The following S100A10 variants were observed in gnomAD, a reference collection of about 807,000 sequenced individuals.
S100A10 encodes the protein protein S100-A10.
In S100A10, 3 loss-of-function variants were observed where a neutral mutation model predicts 7.1. That is an observed-to-expected ratio of 0.42 (90% confidence interval 0.19 to 1.10). The LOEUF (loss-of-function observed/expected upper bound fraction) is 1.10. Ranked by LOEUF, S100A10 falls within the 50% of genes least tolerant of loss-of-function variation. The probability of loss-of-function intolerance (pLI) is 0.29; values close to 1 mark genes in which losing one functional copy is unlikely to be tolerated. For missense variants in S100A10, 101 were observed against 118.1 expected (o/e 0.86, Z 0.67); for synonymous variants, 41 against 39.3 (o/e 1.04, Z -0.16).
In S100A10 at chr1:151,991,891, G is replaced by A. The variant is rs111530114; in HGVS notation, c.-22+1861C>T. 7.2e-3 allele frequency among the ~76,000 whole-genome samples: 1,102 copies of A among 152,272 alleles called. 19 individuals are homozygous for A. The highest frequency in any genetic ancestry group is 0.026 in the African/African-American group (1,063 of 41,522). The stretch of plus-strand genomic sequence containing the variant: ...TTAGGAGGCTGGCCAGCACACGGGA[G>A]GAAAGGGGCCTATATGATGTGTCGG... On this transcript the variant is annotated intron_variant, in intron 1 of 2. Transcript: ENST00000368811.
chr1:151,984,531 C>T (rs1335316856), intron 2 of S100A10, among the ~76,000 whole-genome samples: 1 of 152,138 alleles, frequency 6.6e-6, no homozygotes, highest in East Asian at 1.9e-4. Flanking sequence ...AGAATTATGA[C>T]TCTGTGCCTG....
At chr1:151,992,069 G>A (rs1655916647) in intron 1 of S100A10, among the ~76,000 whole-genome samples, 5 of 152,178 alleles carry the variant, frequency 3.3e-5, no homozygotes, top group African/African-American at 9.7e-5. Context: ...TGGCTGTGAA[G>A]GAACAAATAC....
intron 1 of S100A10, among the ~76,000 whole-genome samples, chr1:151,990,125 T>C (rs1655874891): frequency 6.6e-6 from 1 of 152,196 alleles, no homozygotes; most frequent in Non-Finnish European, 1.5e-5. Flanking sequence ...AGGACTAGGC[T>C]GAAAGCCTTG....
chr1:151,985,717 GAA>G (rs1456046069), intron 2 of S100A10, among the ~76,000 whole-genome samples: 1 of 152,166 alleles, frequency 6.6e-6, no homozygotes, highest in African/African-American at 2.4e-5. Context: ...ACTCTTTTGT[GAA>G]AAGCTTTCTT....
intron 2 of S100A10, among the ~76,000 whole-genome samples, chr1:151,984,845 G>A (rs1276108615): frequency 6.6e-6 from 1 of 152,170 alleles, no homozygotes; most frequent in Non-Finnish European, 1.5e-5. Context: ...GGAAACTGAA[G>A]ACTAGAGAGC....
At position 151,986,219 on chromosome 1, in the gene S100A10, T is replaced by G. The variant is rs1450641538; in HGVS notation, c.12A>C (p.Gln4His). The change falls in exon 2 of 3, where the codon CAA becomes CAC. Residue 4 changes from glutamine (Q) to histidine (H), a missense_variant. Gln to His is a conservative substitution (Grantham distance 24, BLOSUM62 0). Transcript: ENST00000368811. MPS[Q>H]MEHAMETMMF... ...TCATGGTTTCCATGGCGTGTTCCATTTGAGATGGCATTTTGGTGTGGTCCG... is the reference window on the plus strand; with the variant it reads ...TCATGGTTTCCATGGCGTGTTCCATGTGAGATGGCATTTTGGTGTGGTCCG... 6.2e-7 allele frequency: 1 copy of G among 1,604,318 alleles called. No homozygotes were observed.
At chr1:151,984,048 A>C (rs1655746423) in intron 2 of S100A10, 1 of 152,214 alleles carries the variant, frequency 6.6e-6, no homozygotes, top group Non-Finnish European at 1.5e-5. Flanking sequence ...ATGGGCAGGC[A>C]AGACCCCCTT....
chr1:151,986,714 T>C (rs1655798032), intron 1 of S100A10, among the ~76,000 whole-genome samples: 1 of 152,228 alleles, frequency 6.6e-6, no homozygotes, highest in Admixed American at 6.5e-5. Context: ...TTGGCTTATT[T>C]CACTAAGCGT....
rs1348586337 is a variant in S100A10, at chr1:151,993,779, C to CGAGCTGGG, written c.-57_-50dup. On this transcript the variant is annotated 5_prime_UTR_variant, in exon 1 of 3. Transcript: ENST00000368811. The surrounding 1 kb of genome is among the most constrained non-coding windows in gnomAD (Gnocchi z 5.1). ...TGGCCGAGGCGCGGCGGACGCTGGG[C>CGAGCTGGG]GAGCTGGGCGAGCTGGACGCGGGGC... 6.4e-6 allele frequency: 1 copy of CGAGCTGGG among 156,402 alleles called. No homozygotes were observed. The highest frequency in any genetic ancestry group is 1.4e-5 in the Non-Finnish European group (1 of 71,166). The allele number at this position is 156,402 out of a possible 1,614,324, so 9.7% of individuals were successfully genotyped here. A position where few individuals can be genotyped will look rare whatever the true frequency, so the allele number is the denominator to read the frequency against.
At position 151,993,126 on chromosome 1, in the gene S100A10, A is replaced by C. The variant is rs1281352180; in HGVS notation, c.-22+626T>G. 6.6e-6 allele frequency among the ~76,000 whole-genome samples: 1 copy of C among 152,202 alleles called. No individual in the cohort carries two copies. Among genetic ancestry groups the C allele is most frequent in the Non-Finnish European group, 1.5e-5 (1 of 68,036 alleles). On this transcript the variant is annotated intron_variant, in intron 1 of 2. Coordinates refer to ENST00000368811, the MANE Select transcript of S100A10 (RefSeq NM_002966.3). This position sits in a 1 kb window ranked among gnomAD's most constrained non-coding sequence, Gnocchi z 5.1. ...GGCCCTCTCCCACAAACCCCAGCCA[A>C]ACTGCTGTAGAAAGAAAACAAGTGG...
rs1290439398 is a variant in S100A10, at chr1:151,993,693, G to C, written c.-22+59C>G. The C allele has an allele frequency of 6.6e-6, 1 of 152,420 alleles. No homozygotes were observed. The highest frequency in any genetic ancestry group is 1.5e-5 in the Non-Finnish European group (1 of 68,216). 9.4% of individuals were successfully genotyped at this position (152,420 alleles called of 1,614,324 possible). On this transcript the variant is annotated intron_variant, in intron 1 of 2. Transcript: ENST00000368811. The surrounding 1 kb of genome is among the most constrained non-coding windows in gnomAD (Gnocchi z 5.1). ...AAGCCGGGTGCAGGGTTTTCCCCGG[G>C]CAGCAGGTCCGGGCCTGGGGACTAC...
intron 2 of S100A10, chr1:151,985,090 A>G (rs1020271874): frequency 6.5e-6 from 1 of 152,918 alleles, no homozygotes; most frequent in African/African-American, 2.4e-5. Context: ...ATGTTTATTG[A>G]TTGCAGGAGT....
chr1:151,987,153 C>T (rs999171827), intron 1 of S100A10, among the ~76,000 whole-genome samples: 4 of 148,972 alleles, frequency 2.7e-5, no homozygotes, highest in African/African-American at 4.9e-5. Context: ...TACAGGCGTC[C>T]GCCACCATGT....
At chr1:151,983,689 A>G (rs769126566) in intron 2 of S100A10, among the ~76,000 whole-genome samples, 4 of 152,188 alleles carry the variant, frequency 2.6e-5, no homozygotes, top group Non-Finnish European at 4.4e-5. Context: ...TCACTGTCCT[A>G]TGGATTTTAA....
chr1:151,983,166 C>T lies in S100A10; in HGVS notation c.291G>A (p.Lys97=), dbSNP rs1655730553. The change falls in exon 3 of 3, where the codon AAG becomes AAA. Residue 97 remains lysine, a synonymous_variant. Coordinates refer to ENST00000368811, the MANE Select transcript of S100A10 (RefSeq NM_002966.3). ...FVVHMKQKGK[K] The stretch of plus-strand genomic sequence containing the variant: ...GGAGCGAACTGCTCATTTCTGCCTA[C>T]TTCTTTCCCTTCTGCTTCATGTGTA... 4 of 1,570,848 alleles carry T rather than the reference C, an allele frequency of 2.5e-6. No homozygotes were observed. The highest frequency in any genetic ancestry group is 2.4e-5 in the South Asian group (2 of 83,124).
chr1:151,989,448 T>C (rs1572109992), intron 1 of S100A10, among the ~76,000 whole-genome samples: 1 of 151,544 alleles, frequency 6.6e-6, no homozygotes, highest in East Asian at 1.9e-4. Flanking sequence ...AGCCAGGAGG[T>C]GAAAATAGCA....
chr1:151,989,375 G>A (rs1017204250), intron 1 of S100A10, among the ~76,000 whole-genome samples: 2 of 152,006 alleles, frequency 1.3e-5, no homozygotes, highest in Non-Finnish European at 2.9e-5. Context: ...TGTGAATATT[G>A]CAGCCAGCTG....
Position 151,986,102 on chromosome 1 carries a change from CA to C in S100A10, c.128del (p.Leu43TrpfsTer13). ...VLMEKEFPGF[L>X]ENQKDPLAVD... ...TTGTAAGCTTTTCAACACTTACTTC[CA>C]AAAATCCAGGGAACTCCTTTTCCAT... On this transcript the variant is annotated frameshift_variant, in exon 2 of 3. Transcript: ENST00000368811. LOFTEE classifies it high-confidence loss of function. 6.3e-7 allele frequency: 1 copy of C among 1,590,344 alleles called. No individual in the cohort carries two copies. Among genetic ancestry groups the C allele is most frequent in the Admixed American group, 1.9e-5 (1 of 53,946 alleles).
rs763786702 is a variant in S100A10, at chr1:151,986,257, A to G, written c.-21-6T>C. ...TTGGTGTGGTCCGTTGAAGCCTATT[A>G]AAGGATGTAAAGTAACAGGGTCTAC... On this transcript the variant is annotated splice_polypyrimidine_tract_variant and splice_region_variant and intron_variant, in intron 1 of 2. Coordinates refer to ENST00000368811, the MANE Select transcript of S100A10 (RefSeq NM_002966.3). 1.3e-5 allele frequency: 21 copies of G among 1,567,624 alleles called. No individual in the cohort carries two copies. The highest frequency in any genetic ancestry group is 1.3e-5 in the Non-Finnish European group (15 of 1,160,786).
Sources: gnomAD v4.1 joint callset for allele counts (sites outside exome capture counted in the v4.1 genomes callset) on GRCh38, gnomAD v4.1.1 for gene constraint, Gnocchi (gnomAD v3.1) non-coding constraint, MANE v1.5 for transcripts, NCBI Gene and HGNC (gene_info 2026-07-23, HGNC 2026-07-21) for gene names.